EFR3A: variants seen among roughly 807,000 people sequenced by gnomAD.
EFR3A encodes the protein EFR3 homolog A, also known as protein EFR3 homolog A.
EFR3A carries 76 observed loss-of-function variants against 104.4 expected under a neutral mutation model. The ratio of observed to expected loss-of-function variants is 0.73; its 90% CI spans 0.60 to 0.88. EFR3A has a LOEUF of 0.88. EFR3A is among the 40% of genes least tolerant of loss of function. The pLI is 0.00. For synonymous variants in EFR3A, 330 were observed against 330.0 expected (o/e 1.00, Z 0.00); for missense variants, 985 against 1,012.5 (o/e 0.97, Z 0.37).
intron 8 of EFR3A, among the ~76,000 whole-genome samples, chr8:131,961,240 G>T (rs1280359568): frequency 6.6e-6 from 1 of 152,182 alleles, no homozygotes; most frequent in Non-Finnish European, 1.5e-5. Flanking sequence ...AGAGAAGAAG[G>T]CTTCAGACGA....
intron 4 of EFR3A, among the ~76,000 whole-genome samples, chr8:131,947,622 C>T (rs78754818): frequency 0.036 from 5,451 of 151,588 alleles, 188 homozygotes; most frequent in African/African-American, 0.093. Context: ...AAACTATTGC[C>T]TAATCCAACA....
intron 4 of EFR3A, among the ~76,000 whole-genome samples, chr8:131,949,627 GACCCCCATTGT>G (rs1818600564): frequency 1.3e-5 from 2 of 151,962 alleles, no homozygotes; most frequent in African/African-American, 4.8e-5. Flanking sequence ...AACATAGCAA[GACCCCCATTGT>G]TACAAAAATA....
intron 22 of EFR3A, among the ~76,000 whole-genome samples, chr8:132,005,158 A>G (rs992714797): frequency 2.0e-5 from 3 of 152,196 alleles, no homozygotes; most frequent in Admixed American, 6.5e-5. Flanking sequence ...ACAGACATAC[A>G]TGGAAGTTAG....
Position 131,979,150 on chromosome 8 carries a change from A to G in EFR3A, c.1499+131A>G, listed in dbSNP as rs985045526. 3.6e-6 allele frequency: 4 copies of G among 1,110,008 alleles called. No individual in the cohort carries two copies. In the African/African-American group the frequency reaches 6.4e-5, roughly 18 times the overall value. 68.8% of individuals were successfully genotyped at this position (1,110,008 alleles called of 1,614,324 possible). On this transcript the variant is annotated intron_variant, in intron 13 of 22. Transcript: ENST00000254624. ...TAATCCATAATTTTATTTAATTGGT[A>G]TTGAGATAATTTAATCAATATGTTT... is the stretch of plus-strand genomic sequence containing the variant.
At chr8:131,955,117 A>G (rs1818913068) in intron 6 of EFR3A, among the ~76,000 whole-genome samples, 1 of 152,142 alleles carries the variant, frequency 6.6e-6, no homozygotes, top group South Asian at 2.1e-4. Flanking sequence ...CCCATTTTCC[A>G]TAATTACGGC....
intron 1 of EFR3A, among the ~76,000 whole-genome samples, chr8:131,919,330 G>T (rs184624853): frequency 6.6e-6 from 1 of 152,234 alleles, no homozygotes; most frequent in East Asian, 1.9e-4. Flanking sequence ...GGGTGCAGTG[G>T]CTCATGCCTG....
At chr8:131,919,453 C>T (rs1023437499) in intron 1 of EFR3A, among the ~76,000 whole-genome samples, 1 of 151,874 alleles carries the variant, frequency 6.6e-6, no homozygotes, top group African/African-American at 2.4e-5. Context: ...AAAAATTAGC[C>T]GGGTATGGTG....
rs1821836155 is a variant in EFR3A, at chr8:132,002,583, C to T, written c.2207-20C>T. On this transcript the variant is annotated intron_variant, in intron 20 of 22. Transcript: ENST00000254624. ...AAATTATGTATTCCCTTTAATAAGT[C>T]TTTATAAATATTTGTATAGATACCA... The T allele has an allele frequency of 6.3e-7, 1 of 1,581,950 alleles. No individual in the cohort carries two copies.
At chr8:131,940,699 CT>C in intron 2 of EFR3A, 124 bp downstream of exon 2, 7 of 1,393,850 alleles carry the variant, frequency 5.0e-6, no homozygotes, top group African/African-American at 1.5e-5. Flanking sequence ...ATTTATACTA[CT>C]TTTTTTATAC....
At position 131,987,605 on chromosome 8, in the gene EFR3A, A is replaced by G. The variant is rs759901542; in HGVS notation, c.1968A>G (p.Lys656=). 1.6e-5 allele frequency: 26 copies of G among 1,597,436 alleles called. No homozygotes were observed. The South Asian group carries it at 2.0e-4, about 13-fold the overall frequency. ...CAAAATCTTTAGAGAAGCATGAAAA[A>G]GATTTGTACTTTCTGACCAACAAGA... ...MLPKSLEKHE[K]DLYFLTNKIA... Residue 656 remains lysine (K), a synonymous_variant, in exon 18 of 23, where the codon AAA becomes AAG. Transcript: ENST00000254624.
intron 1 of EFR3A, among the ~76,000 whole-genome samples, chr8:131,924,471 T>G (rs1817201846): frequency 6.6e-6 from 1 of 152,032 alleles, no homozygotes; most frequent in South Asian, 2.1e-4. Context: ...TTGTCTAAAG[T>G]TTTGAGGAGA....
At chr8:132,003,122 T>C in intron 21 of EFR3A, 114 bp from the exon 22 acceptor site, 1 of 814,598 alleles carries the variant, frequency 1.2e-6, no homozygotes. Flanking sequence ...GTGTACTTAA[T>C]AATTAATCAG....
At chr8:131,998,371 A>G (rs1236891128) in intron 19 of EFR3A, among the ~76,000 whole-genome samples, 3 of 152,144 alleles carry the variant, frequency 2.0e-5, no homozygotes, top group East Asian at 1.9e-4. Context: ...TTATAGTTTT[A>G]TATGTATAAT....
chr8:131,943,179 A>G (rs892745030), intron 2 of EFR3A, among the ~76,000 whole-genome samples: 4 of 152,156 alleles, frequency 2.6e-5, no homozygotes, highest in Non-Finnish European at 4.4e-5. Flanking sequence ...AGTATCTGCA[A>G]ATATTCCAAA....
chr8:131,994,283 G>C (rs559788286), intron 18 of EFR3A, among the ~76,000 whole-genome samples: 1 of 151,866 alleles, frequency 6.6e-6, no homozygotes, highest in African/African-American at 2.4e-5. Flanking sequence ...ATGAAGTGTT[G>C]CCACATGATA....
At chr8:131,908,117 G>A (rs1340263098) in intron 1 of EFR3A, among the ~76,000 whole-genome samples, 1 of 151,756 alleles carries the variant, frequency 6.6e-6, no homozygotes, top group Non-Finnish European at 1.5e-5. Flanking sequence ...CTGGAGTGCA[G>A]TGGTGAGATC....
chr8:131,965,322 C>G (rs551418607), intron 8 of EFR3A, among the ~76,000 whole-genome samples: 1 of 152,056 alleles, frequency 6.6e-6, no homozygotes, highest in Non-Finnish European at 1.5e-5. Context: ...ACTCATCTGA[C>G]GAAGGGCTAA....
intron 2 of EFR3A, among the ~76,000 whole-genome samples, chr8:131,942,349 A>G (rs1266009995): frequency 1.3e-5 from 2 of 152,138 alleles, no homozygotes; most frequent in Non-Finnish European, 2.9e-5. Context: ...AAATCTTGTG[A>G]TATGTCCATA....
intron 19 of EFR3A, among the ~76,000 whole-genome samples, chr8:132,000,001 A>G (rs1035466603): frequency 6.6e-6 from 1 of 152,172 alleles, no homozygotes; most frequent in African/African-American, 2.4e-5. Flanking sequence ...AAAGAGGGAC[A>G]GGAGGGCAGG....
Sources: allele counts gnomAD v4.1 joint callset (sites outside exome capture counted in the v4.1 genomes callset), GRCh38; gene constraint gnomAD v4.1.1; transcripts MANE v1.5; gene names NCBI Gene and HGNC (gene_info 2026-07-23, HGNC 2026-07-21).